The following PIGU variants were observed in gnomAD, a reference collection of about 807,000 sequenced individuals.
The protein encoded by PIGU is GPI-anchor transamidase component PIGU.
PIGU carries 24 observed loss-of-function variants against 49.9 expected under a neutral mutation model. That is an observed-to-expected ratio of 0.48 (90% CI 0.35 to 0.68). The LOEUF (loss-of-function observed/expected upper bound fraction) is 0.68, where lower values mean the gene tolerates loss of function less well. Ranked by LOEUF, PIGU falls within the 30% of genes least tolerant of loss-of-function variation. PIGU has a pLI of 0.01. For missense variants in PIGU, 490 were observed against 532.6 expected (o/e 0.92, Z 0.79); for synonymous variants, 220 against 205.7 (o/e 1.07, Z -0.59).
At chr20:34,629,507 C>G (rs866781240) in intron 6 of PIGU, among the ~76,000 whole-genome samples, 11 of 152,200 alleles carry the variant, frequency 7.2e-5, no homozygotes, top group Non-Finnish European at 1.5e-4. Context: ...CCTAGATTAG[C>G]CAACTCCAGC....
At chr20:34,645,388 C>A in intron 2 of PIGU, 54 bp from the exon 3 acceptor site, 1 of 1,510,688 alleles carries the variant, frequency 6.6e-7, no homozygotes, top group South Asian at 1.3e-5. Context: ...TTACTATTAT[C>A]AGTTTCCAGA....
intron 6 of PIGU, among the ~76,000 whole-genome samples, chr20:34,624,267 T>C (rs1985367542): frequency 6.6e-6 from 1 of 152,046 alleles, no homozygotes; most frequent in Admixed American, 6.6e-5. Flanking sequence ...ATACCATTCA[T>C]TCTTTATATT....
Position 34,560,864 on chromosome 20 carries a change from G to A in PIGU, c.*2C>T. On this transcript the variant is annotated 3_prime_UTR_variant, in exon 12 of 12. Transcript: ENST00000217446. ...GTCCATGCAGCCCTGTGCCAGCCAG[G>A]CCTACTTGAGCACGAGCATGGCCTC... The A allele has an allele frequency of 6.3e-7, 1 of 1,596,460 alleles. No individual in the cohort carries two copies. Among genetic ancestry groups the A allele is most frequent in the Non-Finnish European group, 8.6e-7 (1 of 1,167,276 alleles).
At chr20:34,636,028 T>TAAA (rs71299222) in intron 5 of PIGU, among the ~76,000 whole-genome samples, 2 of 147,270 alleles carry the variant, frequency 1.4e-5, no homozygotes, top group East Asian at 2.0e-4. Flanking sequence ...CTGTCTCTAC[T>TAAA]AAAAAAAAAA....
At chr20:34,616,761 T>A (rs992902534) in intron 6 of PIGU, among the ~76,000 whole-genome samples, 3 of 152,022 alleles carry the variant, frequency 2.0e-5, no homozygotes, top group Non-Finnish European at 1.5e-5. Flanking sequence ...ATGAAGTTTA[T>A]AAAAGAGACA....
intron 6 of PIGU, among the ~76,000 whole-genome samples, chr20:34,623,455 A>T (rs1985325906): frequency 6.6e-6 from 1 of 152,200 alleles, no homozygotes; most frequent in South Asian, 2.1e-4. Context: ...TAAGCCATTT[A>T]GTCTTCTCAA....
chr20:34,673,122 C>T (rs1354562300), intron 1 of PIGU, among the ~76,000 whole-genome samples: 5 of 151,584 alleles, frequency 3.3e-5, no homozygotes, highest in Admixed American at 6.6e-5. Flanking sequence ...GGTGTGGTGG[C>T]GGGTGCCTGT....
At chr20:34,666,358 A>G (rs781703970) in intron 1 of PIGU, among the ~76,000 whole-genome samples, 2 of 152,094 alleles carry the variant, frequency 1.3e-5, no homozygotes, top group Non-Finnish European at 2.9e-5. Flanking sequence ...AATACACCAG[A>G]GCATCCAAGT....
At chr20:34,657,131 T>C (rs1286499668) in intron 2 of PIGU, 49 bp downstream of exon 2, 2 of 1,394,240 alleles carry the variant, frequency 1.4e-6, no homozygotes, top group Non-Finnish European at 2.0e-6. Context: ...TTGGTATCTG[T>C]GACTGTAAAC....
At chr20:34,669,055 T>C (rs1987219978) in intron 1 of PIGU, among the ~76,000 whole-genome samples, 1 of 151,754 alleles carries the variant, frequency 6.6e-6, no homozygotes, top group South Asian at 2.1e-4. Context: ...AGCTAACTCT[T>C]TTTTAATTTT....
chr20:34,658,298 A>T (rs1363085140), intron 1 of PIGU, among the ~76,000 whole-genome samples: 1 of 152,226 alleles, frequency 6.6e-6, no homozygotes, highest in Non-Finnish European at 1.5e-5. Context: ...CTCAGTGCTC[A>T]GTGGTGCCCA....
At position 34,616,277 on chromosome 20, in the gene PIGU, A is replaced by T. The variant is rs915803910; in HGVS notation, c.530-138T>A. The T allele has an allele frequency of 5.5e-6, 5 of 906,154 alleles. No homozygotes were observed. The African/African-American group carries it at 8.9e-5, about 16-fold the overall frequency. 56.1% of individuals were successfully genotyped at this position (906,154 alleles called of 1,614,324 possible). The stretch of plus-strand genomic sequence containing the variant: ...AGTGCCTCCTGGTACACAAGGTGCT[A>T]TGCAAATTCACACAGTAAGAGCTTC... On this transcript the variant is annotated intron_variant, in intron 6 of 11. Coordinates refer to ENST00000217446, the MANE Select transcript of PIGU (RefSeq NM_080476.5).
intron 7 of PIGU, among the ~76,000 whole-genome samples, chr20:34,609,601 G>A (rs777658450): frequency 2.6e-5 from 4 of 152,070 alleles, no homozygotes; most frequent in Admixed American, 6.6e-5. Context: ...CTAACCTCAG[G>A]TGATCCACCC....
chr20:34,609,780 A>G (rs1222756693), intron 7 of PIGU, among the ~76,000 whole-genome samples: 1 of 152,124 alleles, frequency 6.6e-6, no homozygotes, highest in Non-Finnish European at 1.5e-5. Flanking sequence ...GTCCCCATTC[A>G]AATCTCATCT....
intron 1 of PIGU, among the ~76,000 whole-genome samples, chr20:34,663,491 A>G (rs886494800): frequency 6.6e-6 from 1 of 152,124 alleles, no homozygotes; most frequent in Non-Finnish European, 1.5e-5. Context: ...AAACAAAAAC[A>G]GAAAGAAAAG....
intron 6 of PIGU, among the ~76,000 whole-genome samples, chr20:34,633,008 C>T (rs1985839408): frequency 6.7e-6 from 1 of 149,204 alleles, no homozygotes; most frequent in African/African-American, 2.5e-5. Context: ...CACCCACAAA[C>T]TAAGCAAAAA....
intron 7 of PIGU, among the ~76,000 whole-genome samples, chr20:34,599,073 C>G (rs1984308431): frequency 6.6e-6 from 1 of 152,092 alleles, no homozygotes. Context: ...CACATCTGGC[C>G]CAATTCTGCT....
At chr20:34,665,450 G>A (rs370077380) in intron 1 of PIGU, among the ~76,000 whole-genome samples, 199 of 151,482 alleles carry the variant, frequency 1.3e-3, no homozygotes, top group African/African-American at 4.5e-3. Context: ...TGATCCGCCC[G>A]CCTCGGCCTC....
intron 11 of PIGU, chr20:34,562,607 C>A: frequency 7.9e-7 from 1 of 1,265,232 alleles, no homozygotes; most frequent in Non-Finnish European, 1.0e-6. Context: ...GATGGGGAAA[C>A]TGAGACTCAA....
Sources: gnomAD v4.1 joint callset for allele counts (sites outside exome capture counted in the v4.1 genomes callset) on GRCh38, gnomAD v4.1.1 for gene constraint, MANE v1.5 for transcripts, NCBI Gene and HGNC (gene_info 2026-07-23, HGNC 2026-07-21) for gene names.